Variants in SOX6 observed in about 807,000 individuals in gnomAD.
SOX6 encodes transcription factor SOX-6.
A neutral mutation model predicts 97.8 loss-of-function variants in SOX6; 11 were observed. The ratio of observed to expected loss-of-function variants is 0.11; its 90% CI spans 0.07 to 0.19. SOX6 has a LOEUF of 0.19. Ranked by LOEUF, SOX6 falls within the 10% of genes least tolerant of loss-of-function variation. The pLI is 1.00. For synonymous variants in SOX6, 360 were observed against 371.4 expected, an observed-to-expected ratio of 0.97 and a Z score of 0.35; for missense variants, 810 against 1,039.5, an observed-to-expected ratio of 0.78 and a Z score of 3.04.
chr11:16,468,322 T>G (rs2133113146), intron 1 of SOX6, among the ~76,000 whole-genome samples: 1 of 152,326 alleles, frequency 6.6e-6, no homozygotes, highest in Non-Finnish European at 1.5e-5. Flanking sequence ...AACTGAATAC[T>G]AATGCAAAAA....
chr11:16,516,105 G>A (rs1246275456), intron 4 of SOX6, among the ~76,000 whole-genome samples: 1 of 150,090 alleles, frequency 6.7e-6, no homozygotes, highest in African/African-American at 2.5e-5. Context: ...GTAGCTTGAT[G>A]GGGATGGCAT....
At chr11:16,652,317 A>C (rs1282369499) in intron 3 of SOX6, among the ~76,000 whole-genome samples, 2 of 152,196 alleles carry the variant, frequency 1.3e-5, no homozygotes, top group Non-Finnish European at 2.9e-5. Context: ...AATACTAAGC[A>C]AAAAGAACAA....
chr11:16,237,728 A>G (rs1255918308), intron 3 of SOX6, among the ~76,000 whole-genome samples: 7 of 152,090 alleles, frequency 4.6e-5, no homozygotes, highest in Admixed American at 3.3e-4. Context: ...TATTTTATAA[A>G]CATAAATATA....
At chr11:16,706,467 AAAAAATATATATATATATATATAT>A (rs1848134380) in intron 3 of SOX6, among the ~76,000 whole-genome samples, 4 of 23,128 alleles carry the variant, frequency 1.7e-4, no homozygotes, top group African/African-American at 5.1e-4. Flanking sequence ...AAAAAAAAAA[AAAAAATATATATATATATATATAT>A]ATATATATAT....
chr11:16,556,751 T>C (rs925940898), intron 4 of SOX6, among the ~76,000 whole-genome samples: 2 of 151,770 alleles, frequency 1.3e-5, no homozygotes, highest in African/African-American at 4.8e-5. Flanking sequence ...TTGCACTTTG[T>C]TCTATTGCTT....
At chr11:16,120,495 C>T (rs538456536) in intron 6 of SOX6, among the ~76,000 whole-genome samples, 1 of 151,372 alleles carries the variant, frequency 6.6e-6, no homozygotes, top group South Asian at 2.1e-4. Context: ...CATCCCTTTA[C>T]AAACTCAGGA....
At chr11:16,141,480 C>T (rs796292889) in intron 6 of SOX6, among the ~76,000 whole-genome samples, 16 of 152,234 alleles carry the variant, frequency 1.1e-4, no homozygotes, top group African/African-American at 3.6e-4. Flanking sequence ...AACTGAGGTA[C>T]CAGGTTCATC....
intron 9 of SOX6, among the ~76,000 whole-genome samples, chr11:16,073,862 A>C (rs1301538384): frequency 6.6e-6 from 1 of 152,224 alleles, no homozygotes; most frequent in Admixed American, 6.5e-5. Flanking sequence ...AATGAAATTA[A>C]GGCAGAAATC....
intron 3 of SOX6, among the ~76,000 whole-genome samples, chr11:16,686,185 C>CT (rs1442287302): frequency 2.0e-5 from 3 of 152,250 alleles, no homozygotes; most frequent in Non-Finnish European, 2.9e-5. Flanking sequence ...ATTGTCTTGG[C>CT]TATTAGCACA....
At chr11:16,303,267 G>A (rs895286063) in intron 3 of SOX6, among the ~76,000 whole-genome samples, 1 of 152,020 alleles carries the variant, frequency 6.6e-6, no homozygotes, top group Non-Finnish European at 1.5e-5. Flanking sequence ...AGTATTTTAG[G>A]TTAATGTATA....
intron 3 of SOX6, among the ~76,000 whole-genome samples, chr11:16,667,546 A>G (rs1590045098): frequency 1.5e-5 from 1 of 68,004 alleles, no homozygotes; most frequent in Non-Finnish European, 4.6e-5. Context: ...GTGCTGAAGG[A>G]AAAAAAAAAA....
intron 3 of SOX6, among the ~76,000 whole-genome samples, chr11:16,305,744 T>C (rs1362885998): frequency 1.3e-5 from 2 of 152,222 alleles, no homozygotes; most frequent in Non-Finnish European, 2.9e-5. Context: ...TATGAACTTC[T>C]TAAAATTTTG....
intron 3 of SOX6, among the ~76,000 whole-genome samples, chr11:16,621,731 T>C (rs556446248): frequency 2.6e-5 from 4 of 152,214 alleles, no homozygotes; most frequent in Non-Finnish European, 5.9e-5. Context: ...AGCATATCTA[T>C]TAATAAGCCT....
intron 4 of SOX6, among the ~76,000 whole-genome samples, chr11:16,229,346 G>C (rs866152665): frequency 6.6e-5 from 10 of 151,938 alleles, no homozygotes; most frequent in South Asian, 2.1e-4. Flanking sequence ...AATTTGTTAA[G>C]TGAAGTATTC....
chr11:16,495,560 C>T (rs536124723), intron 4 of SOX6, among the ~76,000 whole-genome samples: 18 of 152,300 alleles, frequency 1.2e-4, no homozygotes, highest in African/African-American at 3.8e-4. Context: ...GCACCCACCC[C>T]CATGTGCCAC....
At chr11:16,412,490 C>A (rs947658861) in intron 1 of SOX6, among the ~76,000 whole-genome samples, 1 of 151,980 alleles carries the variant, frequency 6.6e-6, no homozygotes, top group Non-Finnish European at 1.5e-5. Context: ...AATAATTTGT[C>A]GGTTGGGCAC....
intron 4 of SOX6, among the ~76,000 whole-genome samples, chr11:16,518,913 C>A (rs572987442): frequency 2.0e-5 from 3 of 152,280 alleles, no homozygotes; most frequent in African/African-American, 7.2e-5. Context: ...AAACTCAATT[C>A]ATGAACATAA....
chr11:16,470,352 G>A (rs906205559), intron 1 of SOX6, among the ~76,000 whole-genome samples: 1 of 152,064 alleles, frequency 6.6e-6, no homozygotes, highest in Non-Finnish European at 1.5e-5. Flanking sequence ...TTCTCACTGA[G>A]GGATCTTTGG....
At chr11:16,086,844 A>C (rs941397116) in intron 9 of SOX6, among the ~76,000 whole-genome samples, 1 of 152,228 alleles carries the variant, frequency 6.6e-6, no homozygotes, top group Non-Finnish European at 1.5e-5. Flanking sequence ...TTTGAAAAAT[A>C]CGTGAACTCT....
Sources: gnomAD v4.1 joint callset for allele counts (sites outside exome capture counted in the v4.1 genomes callset) on GRCh38, gnomAD v4.1.1 for gene constraint, MANE v1.5 for transcripts, NCBI Gene and HGNC (gene_info 2026-07-23, HGNC 2026-07-21) for gene names.